Variants in NDRG3 observed in about 807,000 individuals in gnomAD.
NDRG3 encodes NDRG family member 3.
Under a neutral mutation model 57.2 loss-of-function variants are expected in NDRG3, and 23 were observed. The observed-to-expected ratio is 0.40, with a 90% confidence interval of 0.29 to 0.57. The LOEUF (loss-of-function observed/expected upper bound fraction) is 0.57, where lower values mean the gene tolerates loss of function less well. Ranked by LOEUF, NDRG3 falls within the 20% of genes least tolerant of loss-of-function variation. The probability of loss-of-function intolerance (pLI) is 0.42; values close to 1 mark genes in which losing one functional copy is unlikely to be tolerated. For missense variants in NDRG3, 384 were observed against 457.3 expected, an observed-to-expected ratio of 0.84 and a Z score of 1.46; for synonymous variants, 132 against 162.6, an observed-to-expected ratio of 0.81 and a Z score of 1.43.
At chr20:36,729,636 T>C (rs114615972) in intron 1 of NDRG3, among the ~76,000 whole-genome samples, 5,189 of 152,088 alleles carry the variant, frequency 0.034, 324 homozygotes, top group African/African-American at 0.12. Flanking sequence ...CAAGCCATTC[T>C]CTTACCTCAC....
At chr20:36,684,235 C>A (rs1187310067) in intron 6 of NDRG3, among the ~76,000 whole-genome samples, 178 bp downstream of exon 6, 2 of 152,168 alleles carry the variant, frequency 1.3e-5, no homozygotes, top group Non-Finnish European at 2.9e-5. Context: ...TATCACAACA[C>A]CCCCACTGAC....
chr20:36,698,273 T>G (rs888999603), intron 3 of NDRG3, among the ~76,000 whole-genome samples: 8 of 151,876 alleles, frequency 5.3e-5, no homozygotes, highest in African/African-American at 1.9e-4. Context: ...CGCTGTGGGT[T>G]TTTTCATATT....
At chr20:36,655,973 A>C (rs1978617071) in intron 15 of NDRG3, among the ~76,000 whole-genome samples, 1 of 151,978 alleles carries the variant, frequency 6.6e-6, no homozygotes, top group Non-Finnish European at 1.5e-5. Context: ...GTCTCTCCTA[A>C]AAATACAAAA....
At chr20:36,677,024 G>A (rs1310056764) in intron 8 of NDRG3, among the ~76,000 whole-genome samples, 1 of 152,234 alleles carries the variant, frequency 6.6e-6, no homozygotes, top group African/African-American at 2.4e-5. Flanking sequence ...CTGGGAACAG[G>A]CAGGATTTGC....
At chr20:36,715,504 C>T (rs1984219969) in intron 2 of NDRG3, among the ~76,000 whole-genome samples, 1 of 151,678 alleles carries the variant, frequency 6.6e-6, no homozygotes, top group Admixed American at 6.6e-5. Flanking sequence ...TCTCTCTCCC[C>T]CTAGGTTTTT....
At chr20:36,664,702 T>C (rs6028653) in intron 12 of NDRG3, among the ~76,000 whole-genome samples, 17 of 152,320 alleles carry the variant, frequency 1.1e-4, no homozygotes, top group African/African-American at 3.8e-4. Context: ...TACATACTTT[T>C]TTTTTGAGGC....
chr20:36,710,840 C>T (rs1983828373), intron 2 of NDRG3, among the ~76,000 whole-genome samples: 2 of 141,886 alleles, frequency 1.4e-5, no homozygotes, highest in Non-Finnish European at 3.1e-5. Context: ...GTCAGTCAGG[C>T]ATGGTGGAGC....
intron 9 of NDRG3, among the ~76,000 whole-genome samples, chr20:36,670,966 T>C (rs924283356): frequency 2.6e-5 from 4 of 152,238 alleles, no homozygotes; most frequent in African/African-American, 9.6e-5. Flanking sequence ...AGATAATCTC[T>C]AAGCTTCTTT....
intron 13 of NDRG3, among the ~76,000 whole-genome samples, chr20:36,658,890 A>T (rs754784725): frequency 3.3e-5 from 5 of 152,082 alleles, no homozygotes; most frequent in Non-Finnish European, 7.4e-5. Flanking sequence ...CCAATACAGC[A>T]GGATTTTGCA....
At chr20:36,706,777 A>G (rs1983571629) in intron 3 of NDRG3, among the ~76,000 whole-genome samples, 195 bp downstream of exon 3, 1 of 152,200 alleles carries the variant, frequency 6.6e-6, no homozygotes, top group African/African-American at 2.4e-5. Flanking sequence ...TGCTGGAATT[A>G]TAGGTATGAG....
intron 2 of NDRG3, among the ~76,000 whole-genome samples, chr20:36,709,452 T>C (rs1983743909): frequency 6.6e-6 from 1 of 152,008 alleles, no homozygotes; most frequent in African/African-American, 2.4e-5. Flanking sequence ...AAGAGAATGG[T>C]AGAGACAGTA....
chr20:36,662,230 C>T lies in NDRG3; in HGVS notation c.811-1846G>A, dbSNP rs6101697. Among the ~76,000 whole-genome samples, 1,039 of 139,216 alleles carry T rather than the reference C, an allele frequency of 7.5e-3. 13 individuals are homozygous for T. Among genetic ancestry groups the T allele is most frequent in the African/African-American group, 0.026 (979 of 37,444 alleles). 91.3% of individuals were successfully genotyped at this position (139,216 alleles called of 152,430 possible). ...ACCACAATCACTGTTTTTTCTTTTT[C>T]TTTTTTTTTTTTTTTGAGATGGAGT... On this transcript the variant is annotated intron_variant, in intron 12 of 15. Coordinates refer to ENST00000349004, the MANE Select transcript of NDRG3 (RefSeq NM_032013.4).
intron 8 of NDRG3, among the ~76,000 whole-genome samples, chr20:36,679,429 TAACAG>T (rs939405583): frequency 6.6e-6 from 1 of 151,974 alleles, no homozygotes; most frequent in African/African-American, 2.4e-5. Flanking sequence ...AAGATCCAAA[TAACAG>T]AAACAACTCG....
chr20:36,722,815 C>T (rs2148199805), intron 1 of NDRG3, among the ~76,000 whole-genome samples: 2 of 152,306 alleles, frequency 1.3e-5, no homozygotes, highest in Middle Eastern at 3.4e-3. Flanking sequence ...TCAGGGATGG[C>T]TCGTGTAACT....
chr20:36,698,763 T>C (rs960388534), intron 3 of NDRG3, among the ~76,000 whole-genome samples: 14 of 152,124 alleles, frequency 9.2e-5, no homozygotes, highest in African/African-American at 3.1e-4. Context: ...ATTCATATAA[T>C]GACATACAGA....
In NDRG3 at chr20:36,702,358, G is replaced by A. The variant is rs565496806; in HGVS notation, c.93+4614C>T. Among the ~76,000 whole-genome samples, 554 of 152,124 alleles carry A rather than the reference G, an allele frequency of 3.6e-3. 6 individuals are homozygous for A. Among genetic ancestry groups the A allele is most frequent in the African/African-American group, 0.012 (495 of 41,514 alleles). ...TCACCGTGTTAGCCAGGATGGTCTC[G>A]ATCTCCTGACCTCATGATCCGCCCA... is the stretch of plus-strand genomic sequence containing the variant. On this transcript the variant is annotated intron_variant, in intron 3 of 15. Transcript: ENST00000349004.
intron 3 of NDRG3, chr20:36,700,662 T>A: frequency 2.9e-6 from 1 of 342,144 alleles, no homozygotes. Context: ...CATTCTAGAG[T>A]GTGACTACAC....
intron 1 of NDRG3, among the ~76,000 whole-genome samples, chr20:36,731,510 A>C (rs776019166): frequency 6.6e-6 from 1 of 152,170 alleles, no homozygotes; most frequent in Non-Finnish European, 1.5e-5. Context: ...ATCACTTTTT[A>C]GAAATATAGA....
At chr20:36,683,336 G>C (rs928091081) in intron 6 of NDRG3, among the ~76,000 whole-genome samples, 2 of 152,036 alleles carry the variant, frequency 1.3e-5, no homozygotes, top group African/African-American at 4.8e-5. Flanking sequence ...AACTGAGACC[G>C]GGGGCAGTGG....
Sources: allele counts gnomAD v4.1 joint callset (sites outside exome capture counted in the v4.1 genomes callset), GRCh38; gene constraint gnomAD v4.1.1; transcripts MANE v1.5; gene names NCBI Gene and HGNC (gene_info 2026-07-23, HGNC 2026-07-21).